Variants in GATB observed in about 807,000 individuals in gnomAD.
GATB encodes glutamyl-tRNA amidotransferase subunit B.
GATB carries 39 observed loss-of-function variants against 62.3 expected under a neutral mutation model. That is an observed-to-expected ratio of 0.63 (90% CI 0.48 to 0.82). The LOEUF is 0.82. GATB is among the 40% of genes least tolerant of loss of function. The pLI is 0.00. For synonymous variants in GATB, 276 were observed against 258.9 expected, an observed-to-expected ratio of 1.07 and a Z score of -0.63; for missense variants, 670 against 684.0, an observed-to-expected ratio of 0.98 and a Z score of 0.23.
At chr4:151,691,439 C>G (rs2126962516) in intron 9 of GATB, among the ~76,000 whole-genome samples, 1 of 152,248 alleles carries the variant, frequency 6.6e-6, no homozygotes, top group East Asian at 1.9e-4. Context: ...AATCAGATTT[C>G]CCAAAGCACT....
At chr4:151,684,958 G>A (rs968797348) in intron 10 of GATB, among the ~76,000 whole-genome samples, 2 of 152,134 alleles carry the variant, frequency 1.3e-5, no homozygotes, top group Admixed American at 1.3e-4. Flanking sequence ...TACAGAAGCC[G>A]ATCACAAGCC....
Position 151,709,010 on chromosome 4 carries a change from T to C in GATB, c.764-909A>G, listed in dbSNP as rs1349417390. Among the ~76,000 whole-genome samples the C allele has an allele frequency of 2.6e-5, 4 of 152,222 alleles. No homozygotes were observed. In the East Asian group the frequency reaches 7.7e-4, roughly 29 times the overall value. On this transcript the variant is annotated intron_variant, in intron 5 of 12. Transcript: ENST00000263985. ...TCTGTTCCTCGTTTCATTTACAACA[T>C]TTAAAAGAGAACAGAGTGAGAAGAC...
chr4:151,742,368 G>C (rs1338502888), intron 2 of GATB, among the ~76,000 whole-genome samples: 1 of 152,198 alleles, frequency 6.6e-6, no homozygotes, highest in South Asian at 2.1e-4. Context: ...GATTACAGGC[G>C]TGAGCCACCG....
At chr4:151,715,864 C>A (rs553025822) in intron 5 of GATB, 145 bp downstream of exon 5, 226 of 951,520 alleles carry the variant, frequency 2.4e-4, no homozygotes, top group East Asian at 1.0e-3. Context: ...ACAACAACAA[C>A]AAAAAAACAG....
intron 2 of GATB, among the ~76,000 whole-genome samples, chr4:151,726,662 G>C (rs1211630436): frequency 6.6e-6 from 1 of 152,202 alleles, no homozygotes; most frequent in Non-Finnish European, 1.5e-5. Flanking sequence ...GAAGAGAAGT[G>C]TAGTCTGGCA....
intron 9 of GATB, 32 bp downstream of exon 9, chr4:151,701,297 C>T (rs775325959): frequency 1.1e-5 from 16 of 1,479,892 alleles, no homozygotes; most frequent in African/African-American, 2.8e-5. Context: ...TCTGCTGAGC[C>T]GGGATCCTCT....
At chr4:151,684,673 G>T (rs114384298) in intron 10 of GATB, among the ~76,000 whole-genome samples, 2 of 152,238 alleles carry the variant, frequency 1.3e-5, no homozygotes, top group Non-Finnish European at 2.9e-5. Context: ...TGTAGGAAAA[G>T]AGCTGCTATG....
chr4:151,702,980 C>T lies in GATB; in HGVS notation c.1007+871G>A, dbSNP rs186730692. ...CATTTGAGGCATCATGCTGAAGCCA[C>T]GGGCGGATGGAAAGCCGGACTCCAC... On this transcript the variant is annotated intron_variant, in intron 8 of 12. Transcript: ENST00000263985. Among the ~76,000 whole-genome samples the T allele has an allele frequency of 1.7e-3, 262 of 152,216 alleles. 2 individuals carry two copies. The highest frequency in any genetic ancestry group is 3.9e-3 in the Admixed American group (60 of 15,284).
At chr4:151,728,959 C>A (rs543457923) in intron 2 of GATB, among the ~76,000 whole-genome samples, 1 of 152,246 alleles carries the variant, frequency 6.6e-6, no homozygotes, top group Non-Finnish European at 1.5e-5. Flanking sequence ...GAGATACGTG[C>A]CATTTTGTCA....
intron 2 of GATB, among the ~76,000 whole-genome samples, chr4:151,755,185 T>G (rs1013529329): frequency 6.6e-6 from 1 of 152,234 alleles, no homozygotes; most frequent in Non-Finnish European, 1.5e-5. Context: ...ACAAATCCAA[T>G]GAGTCAATTA....
chr4:151,758,009 A>C (rs554260901), intron 2 of GATB, among the ~76,000 whole-genome samples: 24 of 152,296 alleles, frequency 1.6e-4, no homozygotes, highest in African/African-American at 5.5e-4. Context: ...AATTATATAA[A>C]AATATATGCC....
chr4:151,726,465 TG>T lies in GATB; in HGVS notation c.328-6928del, dbSNP rs1456169376. Among the ~76,000 whole-genome samples, 157 of 152,376 alleles carry T rather than the reference TG, an allele frequency of 1.0e-3. 1 individual carries two copies. The highest frequency in any genetic ancestry group is 3.6e-3 in the African/African-American group (151 of 41,596). Reference sequence around the variant, plus strand: ...TTACCATCCAAAGGTACTCCTTTTATGCAGGTATTAAGTATTTATATTAACA... The same window carrying T: ...TTACCATCCAAAGGTACTCCTTTTATCAGGTATTAAGTATTTATATTAACA... On this transcript the variant is annotated intron_variant, in intron 2 of 12. Transcript: ENST00000263985.
At chr4:151,760,674 G>T in intron 1 of GATB, 133 bp downstream of exon 1, 1 of 690,784 alleles carries the variant, frequency 1.4e-6, no homozygotes, top group Non-Finnish European at 2.2e-6. Context: ...TTAGGTTTCG[G>T]GGCTCCAGGT....
chr4:151,732,128 C>T (rs972105167), intron 2 of GATB, among the ~76,000 whole-genome samples: 1 of 150,584 alleles, frequency 6.6e-6, no homozygotes, highest in Non-Finnish European at 1.5e-5. Context: ...CCGGCCACCG[C>T]CCCGTCCAGG....
intron 7 of GATB, among the ~76,000 whole-genome samples, chr4:151,704,663 C>A (rs1207395971): frequency 6.6e-6 from 1 of 151,820 alleles, no homozygotes; most frequent in East Asian, 1.9e-4. Context: ...CCATGTTAGC[C>A]AGGATGGTCT....
intron 2 of GATB, among the ~76,000 whole-genome samples, chr4:151,739,152 G>A (rs1739433773): frequency 6.6e-6 from 1 of 152,226 alleles, no homozygotes; most frequent in Non-Finnish European, 1.5e-5. Context: ...GGAGATACGT[G>A]CATAAAAATT....
intron 5 of GATB, among the ~76,000 whole-genome samples, chr4:151,711,153 C>T (rs1237669631): frequency 6.6e-6 from 1 of 152,156 alleles, no homozygotes; most frequent in Non-Finnish European, 1.5e-5. Context: ...TCACTGCCAC[C>T]AGTGCTGTCC....
chr4:151,695,848 T>G (rs181373644), intron 9 of GATB, among the ~76,000 whole-genome samples: 1 of 152,178 alleles, frequency 6.6e-6, no homozygotes, highest in East Asian at 1.9e-4. Context: ...GCCTTGAATT[T>G]CTGGGCTCGA....
At chr4:151,727,389 T>C (rs916497372) in intron 2 of GATB, among the ~76,000 whole-genome samples, 5 of 152,246 alleles carry the variant, frequency 3.3e-5, no homozygotes, top group African/African-American at 9.6e-5. Context: ...GATTTCACTT[T>C]GGGATTGGAG....
Sources: gnomAD v4.1 joint callset for allele counts (sites outside exome capture counted in the v4.1 genomes callset) on GRCh38, gnomAD v4.1.1 for gene constraint, MANE v1.5 for transcripts, NCBI Gene and HGNC (gene_info 2026-07-23, HGNC 2026-07-21) for gene names.